Variants in CADM1 observed in about 807,000 individuals in gnomAD.
CADM1 encodes cell adhesion molecule 1.
In CADM1, 15 loss-of-function variants were observed where a neutral mutation model predicts 53.1. The ratio of observed to expected loss-of-function variants is 0.28; its 90% CI spans 0.19 to 0.44. The LOEUF is 0.44. Ranked by LOEUF, CADM1 falls within the 20% of genes least tolerant of loss-of-function variation. The pLI is 1.00. For synonymous variants in CADM1, 281 were observed against 243.0 expected (o/e 1.16, Z -1.45); for missense variants, 434 against 611.3 (o/e 0.71, Z 3.06).
intron 8 of CADM1, among the ~76,000 whole-genome samples, chr11:115,204,177 T>C (rs970378866): frequency 1.3e-5 from 2 of 152,218 alleles, no homozygotes; most frequent in Admixed American, 6.5e-5. Context: ...CATAAATACA[T>C]GCAAAATAAA....
intron 1 of CADM1, among the ~76,000 whole-genome samples, chr11:115,375,539 A>G (rs1199000237): frequency 6.6e-6 from 1 of 152,204 alleles, no homozygotes. Flanking sequence ...CTATTCAGCA[A>G]TATGAACACA....
At chr11:115,395,311 G>C (rs1183372584) in intron 1 of CADM1, among the ~76,000 whole-genome samples, 2 of 152,164 alleles carry the variant, frequency 1.3e-5, no homozygotes, top group Non-Finnish European at 2.9e-5. Context: ...GATTATCCCA[G>C]AGAACTGAAG....
In CADM1 at chr11:115,490,657, C is replaced by T. The variant is rs139092315; in HGVS notation, c.124+13614G>A. The stretch of plus-strand genomic sequence containing the variant: ...TTGTGATCCGCCCACCTGGGCCTCC[C>T]AAAGTGCTGGGATTACAGGCGAGAG... On this transcript the variant is annotated intron_variant, in intron 1 of 11. Coordinates refer to ENST00000331581, the MANE Select transcript of CADM1 (RefSeq NM_001301043.2). Among the ~76,000 whole-genome samples the T allele has an allele frequency of 4.5e-4, 69 of 152,294 alleles. No homozygotes were observed. In the East Asian group the frequency reaches 0.012, roughly 26 times the overall value.
chr11:115,417,485 T>C (rs7120049), intron 1 of CADM1, among the ~76,000 whole-genome samples: 2,387 of 152,286 alleles, frequency 0.016, 56 homozygotes, highest in African/African-American at 0.055. Context: ...AAGCTTAACT[T>C]ACAAATGAGG....
intron 1 of CADM1, among the ~76,000 whole-genome samples, chr11:115,413,513 T>A (rs1272308346): frequency 6.6e-6 from 1 of 152,188 alleles, no homozygotes; most frequent in African/African-American, 2.4e-5. Context: ...GAGGAAGATA[T>A]GATAACTGTC....
chr11:115,282,331 T>C (rs757043878), intron 1 of CADM1, among the ~76,000 whole-genome samples: 1 of 152,196 alleles, frequency 6.6e-6, no homozygotes, highest in Admixed American at 6.5e-5. Context: ...ATCTACCCTA[T>C]GGCTGGAACC....
intron 1 of CADM1, among the ~76,000 whole-genome samples, chr11:115,373,479 G>A (rs762316635): frequency 6.6e-6 from 1 of 151,330 alleles, no homozygotes. Flanking sequence ...CAGCTGCTCC[G>A]GTGGCTGAGG....
chr11:115,403,436 G>A (rs1043293669), intron 1 of CADM1, among the ~76,000 whole-genome samples: 3 of 152,172 alleles, frequency 2.0e-5, no homozygotes, highest in Non-Finnish European at 4.4e-5. Flanking sequence ...TTAGATAATA[G>A]TACTGAACCA....
chr11:115,189,571 T>C (rs963308668), intron 10 of CADM1, among the ~76,000 whole-genome samples: 29 of 152,208 alleles, frequency 1.9e-4, no homozygotes, highest in African/African-American at 7.0e-4. Context: ...GGAGGACTTA[T>C]CCACCCTTAT....
At chr11:115,474,075 A>G (rs1222834727) in intron 1 of CADM1, among the ~76,000 whole-genome samples, 1 of 151,908 alleles carries the variant, frequency 6.6e-6, no homozygotes, top group Admixed American at 6.6e-5. Context: ...TGGGCGGATC[A>G]TGGGGTCAGG....
At chr11:115,394,582 T>C (rs1946943554) in intron 1 of CADM1, among the ~76,000 whole-genome samples, 1 of 152,190 alleles carries the variant, frequency 6.6e-6, no homozygotes, top group Non-Finnish European at 1.5e-5. Context: ...CGTTACATAT[T>C]GAAAAACGAA....
chr11:115,308,147 G>C lies in CADM1; in HGVS notation c.125-67727C>G, dbSNP rs955179891. Among the ~76,000 whole-genome samples, 171 of 115,042 alleles carry C rather than the reference G, an allele frequency of 1.5e-3. 1 individual carries two copies. The highest frequency in any genetic ancestry group is 4.4e-3 in the East Asian group (11 of 2,500). The allele number at this position is 115,042 out of a possible 152,430, so 75.5% of individuals were successfully genotyped here. On this transcript the variant is annotated intron_variant, in intron 1 of 11. Transcript: ENST00000331581. ...AAAGACACAAACTCTCTCTCTGTGT[G>C]TGTGTGTGTGTGTGTGTGTGTGTGT...
chr11:115,212,194 G>A (rs1428324630), intron 7 of CADM1, among the ~76,000 whole-genome samples: 1 of 151,938 alleles, frequency 6.6e-6, no homozygotes, highest in Admixed American at 6.6e-5. Flanking sequence ...ATCAGTTGGG[G>A]CTCAGGCACT....
In CADM1 at chr11:115,355,540, A is replaced by G. The variant is rs1350349783; in HGVS notation, c.125-115120T>C. The stretch of plus-strand genomic sequence containing the variant: ...ACGAGGCTTAGTACCTGGGTGATGC[A>G]ATAATATTTACAACAAATCACTGTG... On this transcript the variant is annotated intron_variant, in intron 1 of 11. Transcript: ENST00000331581. Among the ~76,000 whole-genome samples the G allele has an allele frequency of 2.0e-5, 3 of 152,122 alleles. No homozygotes were observed. In the East Asian group the frequency reaches 5.8e-4, roughly 29 times the overall value.
intron 1 of CADM1, among the ~76,000 whole-genome samples, chr11:115,460,193 G>A (rs1167284396): frequency 1.3e-5 from 2 of 151,812 alleles, no homozygotes; most frequent in Admixed American, 6.6e-5. Flanking sequence ...AATTGCTGCC[G>A]CACAGCTAGT....
rs1938853049 is a variant in CADM1 at position 115,173,062 on chromosome 11, TG to T, written c.*3411del. The stretch of plus-strand genomic sequence containing the variant: ...GCAAATCCTGCTGTCTACCCAGGCC[TG>T]GAAGTCTCAGCAACCTAAACAGCAA... On this transcript the variant is annotated 3_prime_UTR_variant, in exon 12 of 12. Coordinates refer to ENST00000331581, the MANE Select transcript of CADM1 (RefSeq NM_001301043.2). The T allele has an allele frequency of 6.6e-6, 1 of 152,272 alleles. No homozygotes were observed. Among genetic ancestry groups the T allele is most frequent in the African/African-American group, 2.4e-5 (1 of 41,440 alleles). 9.4% of individuals were successfully genotyped at this position (152,272 alleles called of 1,614,324 possible).
chr11:115,425,505 C>A lies in CADM1; in HGVS notation c.124+78766G>T, dbSNP rs182647701. Among the ~76,000 whole-genome samples, 584 of 152,316 alleles carry A rather than the reference C, an allele frequency of 3.8e-3. 3 individuals carry two copies. Among genetic ancestry groups the A allele is most frequent in the African/African-American group, 0.013 (551 of 41,580 alleles). ...TTGTTGCTAGGTAACCGCATCGTAA[C>A]GAGACATCTCTAGGCATTATGCAGA... On this transcript the variant is annotated intron_variant, in intron 1 of 11. Coordinates refer to ENST00000331581, the MANE Select transcript of CADM1 (RefSeq NM_001301043.2).
At chr11:115,214,836 C>T in intron 6 of CADM1, 56 bp from the exon 7 acceptor site, 1 of 1,531,120 alleles carries the variant, frequency 6.5e-7, no homozygotes, top group Non-Finnish European at 9.0e-7. Flanking sequence ...TTGCATCAAA[C>T]TGCTCACCCA....
intron 6 of CADM1, among the ~76,000 whole-genome samples, chr11:115,216,420 G>C (rs1941185120): frequency 6.6e-6 from 1 of 152,244 alleles, no homozygotes; most frequent in African/African-American, 2.4e-5. Context: ...GACTGTAACT[G>C]TGGTTAATGT....
Sources: gnomAD v4.1 joint callset for allele counts (sites outside exome capture counted in the v4.1 genomes callset) on GRCh38, gnomAD v4.1.1 for gene constraint, MANE v1.5 for transcripts, NCBI Gene and HGNC (gene_info 2026-07-23, HGNC 2026-07-21) for gene names.